NEBL: variants seen among roughly 807,000 people sequenced by gnomAD.
NEBL encodes the protein nebulette.
Under a neutral mutation model 140.2 loss-of-function variants are expected in NEBL, and 122 were observed. The ratio of observed to expected loss-of-function variants is 0.87; its 90% confidence interval spans 0.75 to 1.01. The LOEUF (loss-of-function observed/expected upper bound fraction) is 1.01. Ranked by LOEUF, NEBL falls within the 50% of genes least tolerant of loss-of-function variation. NEBL has a pLI of 0.00. For missense variants in NEBL, 1,365 were observed against 1,231.3 expected, an observed-to-expected ratio of 1.11 and a Z score of -1.62; for synonymous variants, 436 against 398.9, an observed-to-expected ratio of 1.09 and a Z score of -1.11.
intron 4 of NEBL, among the ~76,000 whole-genome samples, chr10:20,951,891 C>A (rs928671681): frequency 4.6e-5 from 7 of 152,138 alleles, no homozygotes; most frequent in Non-Finnish European, 1.0e-4. Context: ...GAAATTGAGA[C>A]GTGAAGCTAG....
At chr10:21,184,141 C>T (rs1429480661) in intron 3 of NEBL, among the ~76,000 whole-genome samples, 1 of 152,154 alleles carries the variant, frequency 6.6e-6, no homozygotes, top group Admixed American at 6.5e-5. Flanking sequence ...AAAAGGGAAG[C>T]CTGGCCCAAA....
chr10:21,134,618 T>A (rs1839266974), intron 2 of NEBL, among the ~76,000 whole-genome samples: 1 of 152,228 alleles, frequency 6.6e-6, no homozygotes, highest in African/African-American at 2.4e-5. Context: ...AAAAGTGATG[T>A]CCATCCAGTT....
chr10:21,020,323 A>G, intron 2 of NEBL: 2 of 815,444 alleles, frequency 2.5e-6, no homozygotes, highest in Non-Finnish European at 4.1e-6. Context: ...GAGGGACCTG[A>G]GCTTGGCTAA....
chr10:21,017,890 C>T (rs1339357464), intron 3 of NEBL, among the ~76,000 whole-genome samples: 1 of 151,420 alleles, frequency 6.6e-6, no homozygotes, highest in African/African-American at 2.4e-5. Context: ...GTGGCACGAT[C>T]TCGGCTCACT....
upstream of NEBL, among the ~76,000 whole-genome samples, chr10:20,900,181 A>C (rs1272036724): frequency 2.0e-5 from 3 of 152,168 alleles, no homozygotes; most frequent in Non-Finnish European, 2.9e-5. Context: ...CTTATTGGGC[A>C]CTTCTTTTAT....
At chr10:21,010,834 G>C (rs1010279438) in intron 3 of NEBL, among the ~76,000 whole-genome samples, 1 of 152,190 alleles carries the variant, frequency 6.6e-6, no homozygotes, top group Non-Finnish European at 1.5e-5. Flanking sequence ...CATGACTGTA[G>C]CTATTCTTGT....
intron 2 of NEBL, among the ~76,000 whole-genome samples, chr10:21,059,429 T>C (rs7901012): frequency 0.41 from 62,052 of 152,114 alleles, 12,732 homozygotes; most frequent in Middle Eastern, 0.47. Context: ...CTTAGATATG[T>C]TCAGAGAAAC....
chr10:21,173,992 G>C lies in NEBL; in HGVS notation c.-159C>G, dbSNP rs568718562. ...GGCGCCGGGCCACGGGTGAGTGCAC[G>C]GGGAGGGCGACGGGGCCTGGCGCCT... On this transcript the variant is annotated 5_prime_UTR_variant, in exon 1 of 7. Coordinates refer to the NEBL transcript ENST00000417816. This position sits in a 1 kb window ranked among gnomAD's most constrained non-coding sequence, Gnocchi z 5.7. 1.5e-5 allele frequency: 19 copies of C among 1,226,302 alleles called. No homozygotes were observed. Among genetic ancestry groups the C allele is most frequent in the Non-Finnish European group, 1.9e-5 (19 of 987,706 alleles). The allele number at this position is 1,226,302 out of a possible 1,614,324, so 76.0% of individuals were successfully genotyped here.
chr10:21,263,597 T>G (rs1206430505), intron 1 of NEBL, among the ~76,000 whole-genome samples: 1 of 152,214 alleles, frequency 6.6e-6, no homozygotes, highest in Non-Finnish European at 1.5e-5. Flanking sequence ...ACTATGATTA[T>G]TCTTGCTTTA....
intron 3 of NEBL, among the ~76,000 whole-genome samples, chr10:20,996,156 C>A (rs556891124): frequency 6.6e-6 from 1 of 152,300 alleles, no homozygotes; most frequent in South Asian, 2.1e-4. Flanking sequence ...ATGCTTCTTA[C>A]AGCAAGTGAA....
At chr10:20,925,796 G>A (rs541746230) in intron 4 of NEBL, among the ~76,000 whole-genome samples, 14 of 151,520 alleles carry the variant, frequency 9.2e-5, no homozygotes, top group African/African-American at 1.5e-4. Context: ...GTCTCATGCC[G>A]GAAAATCTGG....
At chr10:21,291,998 A>C (rs772690579) in intron 1 of NEBL, among the ~76,000 whole-genome samples, 10 of 143,194 alleles carry the variant, frequency 7.0e-5, no homozygotes, top group Non-Finnish European at 1.1e-4. Context: ...TTTAATGCCC[A>C]GACTTGGTTT....
chr10:20,992,621 C>T (rs1251547387), intron 3 of NEBL, among the ~76,000 whole-genome samples: 1 of 152,024 alleles, frequency 6.6e-6, no homozygotes, highest in Non-Finnish European at 1.5e-5. Flanking sequence ...AGAGCCCTAT[C>T]CCTGACTGCT....
chr10:20,840,211 A>G (rs1463965505), intron 13 of NEBL, among the ~76,000 whole-genome samples: 1 of 152,188 alleles, frequency 6.6e-6, no homozygotes, highest in Admixed American at 6.5e-5. Flanking sequence ...GTGACACCAT[A>G]TGACCCAAAG....
At chr10:20,975,102 G>A (rs1836734105) in intron 3 of NEBL, among the ~76,000 whole-genome samples, 1 of 152,072 alleles carries the variant, frequency 6.6e-6, no homozygotes, top group African/African-American at 2.4e-5. Flanking sequence ...TCCAGTTCTA[G>A]GTCAGTTTCC....
At chr10:20,909,077 T>C (rs1483426166) in intron 4 of NEBL, among the ~76,000 whole-genome samples, 1 of 152,038 alleles carries the variant, frequency 6.6e-6, no homozygotes, top group Non-Finnish European at 1.5e-5. Context: ...GATCCAGGCA[T>C]ACAATGCATA....
chr10:20,944,771 GTTGT>G (rs1166447230), intron 4 of NEBL, among the ~76,000 whole-genome samples: 1 of 152,168 alleles, frequency 6.6e-6, no homozygotes, highest in Non-Finnish European at 1.5e-5. Flanking sequence ...GCCTAAGTTA[GTTGT>G]TTAATTGGCA....
At chr10:21,248,893 G>A (rs1403884616) in intron 2 of NEBL, among the ~76,000 whole-genome samples, 1 of 151,726 alleles carries the variant, frequency 6.6e-6, no homozygotes, top group Non-Finnish European at 1.5e-5. Flanking sequence ...ATGTCTCATT[G>A]TGGTTTTGAT....
At chr10:20,900,548 G>T (rs372215039), upstream of NEBL, among the ~76,000 whole-genome samples, 1 of 151,518 alleles carries the variant, frequency 6.6e-6, no homozygotes, top group Non-Finnish European at 1.5e-5. Flanking sequence ...CATGGGCTGG[G>T]TGCGGTGGTT....
Sources: allele counts gnomAD v4.1 joint callset (sites outside exome capture counted in the v4.1 genomes callset), GRCh38; gene constraint gnomAD v4.1.1; non-coding constraint Gnocchi (gnomAD v3.1); transcripts MANE v1.5; gene names NCBI Gene and HGNC (gene_info 2026-07-23, HGNC 2026-07-21).